PGM5: variants seen among roughly 807,000 people sequenced by gnomAD.
The protein encoded by PGM5 is phosphoglucomutase-like protein 5.
A neutral mutation model predicts 59.2 loss-of-function variants in PGM5; 23 were observed. The ratio of observed to expected loss-of-function variants is 0.39; its 90% CI spans 0.28 to 0.55. The LOEUF is 0.55. Ranked by LOEUF, PGM5 falls within the 20% of genes least tolerant of loss-of-function variation. The pLI, the probability that PGM5 is intolerant of heterozygous loss-of-function variation, is 0.66. For synonymous variants in PGM5, 214 were observed against 286.0 expected (o/e 0.75, Z 2.54); for missense variants, 574 against 748.3 (o/e 0.77, Z 2.72).
intron 10 of PGM5, among the ~76,000 whole-genome samples, chr9:68,514,035 A>T (rs532209559): frequency 6.6e-6 from 1 of 152,358 alleles, no homozygotes; most frequent in East Asian, 1.9e-4. Flanking sequence ...CACTAAAGGT[A>T]GTTCTTGGAC....
intron 7 of PGM5, among the ~76,000 whole-genome samples, chr9:68,468,931 C>G (rs1057476582): frequency 2.0e-4 from 30 of 152,268 alleles, no homozygotes; most frequent in African/African-American, 6.7e-4. Flanking sequence ...TTCTTAATTG[C>G]TTTGGAGATG....
chr9:68,484,614 A>C (rs1338962347), intron 9 of PGM5, among the ~76,000 whole-genome samples: 1 of 152,016 alleles, frequency 6.6e-6, no homozygotes, highest in Non-Finnish European at 1.5e-5. Context: ...AAAAAACAAA[A>C]GAACATGGGT....
intron 6 of PGM5, among the ~76,000 whole-genome samples, chr9:68,425,870 T>C (rs529505113): frequency 1.9e-4 from 29 of 152,318 alleles, no homozygotes; most frequent in African/African-American, 7.0e-4. Context: ...ATAATTTAAA[T>C]GGAAATAAAT....
intron 6 of PGM5, among the ~76,000 whole-genome samples, chr9:68,459,886 AAG>A (rs1435681126): frequency 1.3e-5 from 2 of 152,228 alleles, no homozygotes; most frequent in Non-Finnish European, 2.9e-5. Context: ...ACTAATTTAT[AAG>A]AGTTTTTAAA....
intron 9 of PGM5, chr9:68,497,213 G>A (rs1409700927): frequency 6.6e-6 from 1 of 152,200 alleles, no homozygotes; most frequent in Non-Finnish European, 1.5e-5. Flanking sequence ...TAAGAAGACA[G>A]TTTCTGTTCG....
chr9:68,501,521 A>AG (rs1824572919), intron 10 of PGM5, among the ~76,000 whole-genome samples: 1 of 152,196 alleles, frequency 6.6e-6, no homozygotes, highest in Non-Finnish European at 1.5e-5. Context: ...CCTTCTAAAA[A>AG]GCCTTTGATT....
intron 6 of PGM5, among the ~76,000 whole-genome samples, chr9:68,430,732 G>A (rs1823330669): frequency 1.3e-5 from 2 of 152,142 alleles, no homozygotes; most frequent in African/African-American, 2.4e-5. Flanking sequence ...ATACCCCTAA[G>A]TATATGCATT....
At chr9:68,450,667 G>GA (rs1202631212) in intron 6 of PGM5, among the ~76,000 whole-genome samples, 2 of 152,152 alleles carry the variant, frequency 1.3e-5, no homozygotes, top group African/African-American at 2.4e-5. Flanking sequence ...CATGAGGGGG[G>GA]AAAAATCCAC....
chr9:68,489,160 A>G (rs1824346132), intron 9 of PGM5, among the ~76,000 whole-genome samples: 1 of 152,186 alleles, frequency 6.6e-6, no homozygotes, highest in South Asian at 2.1e-4. Flanking sequence ...CATGTGGCCT[A>G]AGTCCTGGAA....
chr9:68,397,679 A>C (rs1822546252), intron 6 of PGM5: 1 of 152,270 alleles, frequency 6.6e-6, no homozygotes, highest in African/African-American at 2.4e-5. Flanking sequence ...TAAGGGAAAC[A>C]TACAGAAACA....
rs1823454089 is a variant in PGM5, at chr9:68,437,221, A to G, written c.1044-27872A>G. ...TAAAAATTCTTGGCAACATAGATTA[A>G]TGATCATTTTTGAGATTTTTCTCTC... On this transcript the variant is annotated intron_variant, in intron 6 of 10. Coordinates refer to ENST00000396396, the MANE Select transcript of PGM5 (RefSeq NM_021965.4). This position sits in a 1 kb window ranked among gnomAD's most constrained non-coding sequence, Gnocchi z 4.1. 6.6e-6 allele frequency among the ~76,000 whole-genome samples: 1 copy of G among 152,228 alleles called. No homozygotes were observed. The highest frequency in any genetic ancestry group is 2.4e-5 in the African/African-American group (1 of 41,462).
At chr9:68,430,130 A>G (rs1293248375) in intron 6 of PGM5, among the ~76,000 whole-genome samples, 1 of 152,244 alleles carries the variant, frequency 6.6e-6, no homozygotes, top group African/African-American at 2.4e-5. Context: ...CATAATTGAA[A>G]TAGCTTTCAA....
chr9:68,525,607 C>T (rs1824959620), intron 10 of PGM5, among the ~76,000 whole-genome samples: 1 of 152,262 alleles, frequency 6.6e-6, no homozygotes, highest in South Asian at 2.1e-4. Flanking sequence ...AAGATATATA[C>T]CATCTAGGTT....
At chr9:68,497,185 CCA>C (rs2132103358) in intron 9 of PGM5, 1 of 152,284 alleles carries the variant, frequency 6.6e-6, no homozygotes, top group Admixed American at 6.5e-5. Flanking sequence ...ATTCACTTCT[CCA>C]GCAGCATAAG....
At chr9:68,440,848 A>T (rs1587810948) in intron 6 of PGM5, among the ~76,000 whole-genome samples, 1 of 152,086 alleles carries the variant, frequency 6.6e-6, no homozygotes, top group South Asian at 2.1e-4. Flanking sequence ...CAGGAAAACA[A>T]TTTAAAACAC....
chr9:68,421,979 C>T (rs75769465), intron 6 of PGM5, among the ~76,000 whole-genome samples: 3,594 of 151,590 alleles, frequency 0.024, 130 homozygotes, highest in African/African-American at 0.08. Context: ...AAGCAAAAAT[C>T]AAGGTAATAA....
At chr9:68,357,799 C>G (rs1247566556) in intron 1 of PGM5, 1 of 256,124 alleles carries the variant, frequency 3.9e-6, no homozygotes, top group Admixed American at 5.2e-5. Flanking sequence ...AGTCCCCACA[C>G]AAACTTCTTT....
intron 6 of PGM5, chr9:68,405,187 T>A (rs1464567740): frequency 6.6e-6 from 1 of 152,232 alleles, no homozygotes; most frequent in East Asian, 1.9e-4. Flanking sequence ...CACTGACTCA[T>A]TGATTCTCTG....
intron 6 of PGM5, among the ~76,000 whole-genome samples, chr9:68,402,178 C>T (rs1469886471): frequency 3.3e-5 from 5 of 152,174 alleles, no homozygotes; most frequent in African/African-American, 4.8e-5. Context: ...GCATGAGAAT[C>T]GCTTAAACCT....
Sources: allele counts gnomAD v4.1 joint callset (sites outside exome capture counted in the v4.1 genomes callset), GRCh38; gene constraint gnomAD v4.1.1; non-coding constraint Gnocchi (gnomAD v3.1); transcripts MANE v1.5; gene names NCBI Gene and HGNC (gene_info 2026-07-23, HGNC 2026-07-21).